The following FAM170A variants were observed in gnomAD, a reference collection of about 807,000 sequenced individuals.
FAM170A encodes family with sequence similarity 170 member A, also known as protein FAM170A.
Under a neutral mutation model 36.6 loss-of-function variants are expected in FAM170A, and 28 were observed. That is an observed-to-expected ratio of 0.76 (90% CI 0.57 to 1.05). The LOEUF is 1.05. Ranked by LOEUF, FAM170A falls within the 50% of genes least tolerant of loss-of-function variation. FAM170A has a pLI of 0.00. For synonymous variants in FAM170A, 156 were observed against 143.9 expected, an observed-to-expected ratio of 1.08 and a Z score of -0.60; for missense variants, 434 against 396.5, an observed-to-expected ratio of 1.09 and a Z score of -0.80.
chr5:119,634,329 A>T, exon 3 of FAM170A: 1 of 1,614,182 alleles, frequency 6.2e-7, no homozygotes, highest in Non-Finnish European at 8.5e-7. Context: ...GAGAAAGAGC[A>T]TGAGGAAAGG....
intron 2 of FAM170A, among the ~76,000 whole-genome samples, chr5:119,633,755 CT>C (rs901107853): frequency 1.3e-5 from 2 of 151,974 alleles, no homozygotes; most frequent in African/African-American, 2.4e-5. Flanking sequence ...CTCCACACCC[CT>C]GTATATGGAC....
chr5:119,630,137 T>G, intron 1 of FAM170A, among the ~76,000 whole-genome samples: 2 of 128,872 alleles, frequency 1.6e-5, no homozygotes, highest in Admixed American at 8.3e-5. Flanking sequence ...CTGATCCGCC[T>G]GCCTCGGCCT....
chr5:119,630,229 A>T (rs572417920), intron 1 of FAM170A, among the ~76,000 whole-genome samples: 1 of 128,546 alleles, frequency 7.8e-6, no homozygotes, highest in African/African-American at 3.0e-5. Flanking sequence ...AGCTCGGCTC[A>T]CTGCAAGCTC....
chr5:119,633,352 G>A (rs1226257029), intron 2 of FAM170A, among the ~76,000 whole-genome samples: 1 of 152,118 alleles, frequency 6.6e-6, no homozygotes, highest in Admixed American at 6.5e-5. Flanking sequence ...GTGTAGGAGA[G>A]CATGAGCCCT....
intron 1 of FAM170A, 29 bp from the exon 2 acceptor site, chr5:119,632,719 T>C (rs1465991659): frequency 7.9e-6 from 12 of 1,522,648 alleles, no homozygotes; most frequent in Non-Finnish European, 1.1e-5. Flanking sequence ...CCATCCATCA[T>C]ATCTCTGTTC....
exon 3 of FAM170A, chr5:119,634,013 G>A (rs762874385): frequency 1.9e-6 from 3 of 1,614,094 alleles, no homozygotes. Context: ...CCTGGCCCAG[G>A]TTCAGGAACG....
intron 1 of FAM170A, among the ~76,000 whole-genome samples, chr5:119,630,058 A>ATTTT: frequency 6.8e-6 from 1 of 146,634 alleles, no homozygotes; most frequent in South Asian, 2.2e-4. Context: ...CGCCCGGCTA[A>ATTTT]TTTTTTGTAT....
rs10603530 is a variant in FAM170A, at chr5:119,630,321, A to ATTT, written c.70+504_70+506dup. ...AGGCGCCCGCCACCACGCCTGGCTA[A>ATTT]TTTTTTTTTTTTTTTTTTTTTTTGT... On this transcript the variant is annotated intron_variant, in intron 1 of 4. Transcript: ENST00000613773. 3.2e-3 allele frequency among the ~76,000 whole-genome samples: 378 copies of ATTT among 118,294 alleles called. 4 individuals carry two copies. Among genetic ancestry groups the ATTT allele is most frequent in the African/African-American group, 0.014 (364 of 26,704 alleles). The allele number at this position is 118,294 out of a possible 152,430, so 77.6% of individuals were successfully genotyped here.
At chr5:119,630,321 ATTTTTTTT>A (rs10603530) in intron 1 of FAM170A, among the ~76,000 whole-genome samples, 22 of 118,396 alleles carry the variant, frequency 1.9e-4, no homozygotes, top group East Asian at 1.8e-3. Flanking sequence ...CGCCTGGCTA[ATTTTTTTT>A]TTTTTTTTTT....
chr5:119,630,974 T>A (rs1445819471), intron 1 of FAM170A, among the ~76,000 whole-genome samples: 4 of 152,232 alleles, frequency 2.6e-5, no homozygotes, highest in African/African-American at 9.7e-5. Context: ...CACGGAGGTT[T>A]GATTGCTTCA....
At chr5:119,629,994 C>T (rs1211591408) in intron 1 of FAM170A, among the ~76,000 whole-genome samples, 156 bp downstream of exon 1, 2 of 151,926 alleles carry the variant, frequency 1.3e-5, no homozygotes, top group Non-Finnish European at 2.9e-5. Context: ...CGGGTTCACG[C>T]CATTCTCCTG....
At chr5:119,633,823 A>G (rs1233339964) in intron 2 of FAM170A, 137 bp from the exon 3 acceptor site, 6 of 1,155,968 alleles carry the variant, frequency 5.2e-6, no homozygotes, top group African/African-American at 4.6e-5. Flanking sequence ...CACAATATGA[A>G]CAACAAATAC....
rs1232506509 is a variant in FAM170A at position 119,632,795 on chromosome 5, G to A, written c.118G>A (p.Val40Met). 5.6e-6 allele frequency: 9 copies of A among 1,612,626 alleles called. No homozygotes were observed. Among genetic ancestry groups the A allele is most frequent in the South Asian group, 1.1e-5 (1 of 90,954 alleles). ...TGCCCTGCAGCCTGGATCCACTAGA[G>A]TGGCCAAAGGCTGGAGCCAAGGGGT... Residue 40 changes from valine (V) to methionine (M), a missense_variant, in exon 2 of 5, where the codon GTG becomes ATG. By Grantham distance (21) the Val-to-Met change is conservative. Coordinates refer to ENST00000613773, the Ensembl canonical transcript of FAM170A.
chr5:119,632,200 C>T (rs554602325), intron 1 of FAM170A, among the ~76,000 whole-genome samples: 32 of 152,188 alleles, frequency 2.1e-4, no homozygotes, highest in Non-Finnish European at 3.5e-4. Context: ...TGCTTAATGT[C>T]TGTCTTCCTT....
At chr5:119,633,827 C>T in intron 2 of FAM170A, 133 bp from the exon 3 acceptor site, 1 of 1,202,240 alleles carries the variant, frequency 8.3e-7, no homozygotes, top group Non-Finnish European at 1.2e-6. Flanking sequence ...ATATGAACAA[C>T]AAATACCAAG....
intron 2 of FAM170A, 39 bp downstream of exon 2, chr5:119,632,927 C>T (rs549042431): frequency 6.5e-7 from 1 of 1,534,466 alleles, no homozygotes; most frequent in East Asian, 2.3e-5. Flanking sequence ...GGCTCCTTGG[C>T]TGTGGGGTTC....
intron 1 of FAM170A, among the ~76,000 whole-genome samples, chr5:119,630,755 C>G (rs898150208): frequency 2.6e-5 from 4 of 152,154 alleles, no homozygotes; most frequent in Non-Finnish European, 5.9e-5. Flanking sequence ...ATCTTTCTCT[C>G]GTATTCTCTT....
At chr5:119,633,801 G>T (rs143765128) in intron 2 of FAM170A, among the ~76,000 whole-genome samples, 159 bp from the exon 3 acceptor site, 1 of 152,030 alleles carries the variant, frequency 6.6e-6, no homozygotes, top group East Asian at 1.9e-4. Flanking sequence ...AATGACACTA[G>T]AATCACTACC....
Position 119,635,024 on chromosome 5 carries a change from A to G in FAM170A, c.987-7A>G. ...TGTCTTTCTTTGGTTTGATTTTCACACAGCAGCTGAGACTTATGGGCCAGA... is the reference window on the plus strand; with the variant it reads ...TGTCTTTCTTTGGTTTGATTTTCACGCAGCAGCTGAGACTTATGGGCCAGA... On this transcript the variant is annotated splice_region_variant and splice_polypyrimidine_tract_variant and intron_variant, in intron 3 of 4. Coordinates refer to ENST00000613773, the Ensembl canonical transcript of FAM170A. The G allele has an allele frequency of 6.2e-7, 1 of 1,614,082 alleles. No homozygotes were observed. The highest frequency in any genetic ancestry group is 2.2e-5 in the East Asian group (1 of 44,884).
Sources: gnomAD v4.1 joint callset for allele counts (sites outside exome capture counted in the v4.1 genomes callset) on GRCh38, gnomAD v4.1.1 for gene constraint, MANE v1.5 for transcripts, NCBI Gene and HGNC (gene_info 2026-07-23, HGNC 2026-07-21) for gene names.